TBC1D15: variants seen among roughly 807,000 people sequenced by gnomAD.
TBC1D15 encodes GAP for RAB7.
TBC1D15 carries 39 observed loss-of-function variants against 95.4 expected under a neutral mutation model. The ratio of observed to expected loss-of-function variants is 0.41; its 90% CI spans 0.32 to 0.53. The LOEUF (loss-of-function observed/expected upper bound fraction) is 0.53. TBC1D15 is among the 20% of genes least tolerant of loss of function. The pLI, the probability that TBC1D15 is intolerant of heterozygous loss-of-function variation, is 0.29. For synonymous variants in TBC1D15, 258 were observed against 261.3 expected, an observed-to-expected ratio of 0.99 and a Z score of 0.12; for missense variants, 733 against 794.3, an observed-to-expected ratio of 0.92 and a Z score of 0.93.
At chr12:71,865,188 C>T (rs1181443971) in intron 1 of TBC1D15, among the ~76,000 whole-genome samples, 1 of 152,102 alleles carries the variant, frequency 6.6e-6, no homozygotes, top group African/African-American at 2.4e-5. Context: ...TCATCTGGGT[C>T]TTGGGATGCA....
intron 10 of TBC1D15, among the ~76,000 whole-genome samples, chr12:71,898,527 G>A (rs936609654): frequency 1.3e-5 from 2 of 152,038 alleles, no homozygotes; most frequent in African/African-American, 4.8e-5. Context: ...TATCATTAAA[G>A]CATTAGTTGC....
chr12:71,857,253 A>G (rs1398923787), intron 1 of TBC1D15, among the ~76,000 whole-genome samples: 1 of 152,096 alleles, frequency 6.6e-6, no homozygotes, highest in Non-Finnish European at 1.5e-5. Context: ...GCTGCCCAGA[A>G]CCTTTTAATT....
chr12:71,839,877 A>G, intron 1 of TBC1D15, 66 bp downstream of exon 1: 1 of 1,599,856 alleles, frequency 6.3e-7, no homozygotes, highest in East Asian at 2.2e-5. Context: ...GCTCCCTGGC[A>G]GCTGGTTGGG....
intron 5 of TBC1D15, among the ~76,000 whole-genome samples, chr12:71,892,821 A>G (rs569510035): frequency 1.3e-5 from 2 of 151,834 alleles, no homozygotes; most frequent in South Asian, 4.2e-4. Flanking sequence ...TAAATATTAT[A>G]TACTGATGAC....
At chr12:71,871,242 G>A (rs775683653) in intron 1 of TBC1D15, among the ~76,000 whole-genome samples, 4 of 152,044 alleles carry the variant, frequency 2.6e-5, no homozygotes, top group Non-Finnish European at 5.9e-5. Flanking sequence ...TCATCTTCAT[G>A]TACTTTTGGT....
intron 4 of TBC1D15, among the ~76,000 whole-genome samples, chr12:71,882,143 C>G (rs1307968304): frequency 7.9e-5 from 12 of 151,490 alleles, no homozygotes; most frequent in Admixed American, 2.0e-4. Flanking sequence ...GTACTTTTTT[C>G]TTTTTTGTGT....
At chr12:71,886,673 A>G (rs1896295095) in intron 5 of TBC1D15, among the ~76,000 whole-genome samples, 6 of 152,222 alleles carry the variant, frequency 3.9e-5, no homozygotes, top group Admixed American at 3.9e-4. Flanking sequence ...CAAGCTGTTC[A>G]GTGCCAGTAA....
Position 71,879,985 on chromosome 12 carries a change from C to G in TBC1D15, c.205-484C>G, listed in dbSNP as rs78594779. Among the ~76,000 whole-genome samples the G allele has an allele frequency of 5.0e-3, 760 of 152,098 alleles. 6 individuals are homozygous for G. Among genetic ancestry groups the G allele is most frequent in the African/African-American group, 0.017 (707 of 41,484 alleles). ...AGATGGAAAATTCTATAGAACTATA[C>G]CTGTGAATATGTTGCTTTTAGCTAA... On this transcript the variant is annotated intron_variant, in intron 3 of 16. Coordinates refer to ENST00000485960, the MANE Select transcript of TBC1D15 (RefSeq NM_001146213.3).
chr12:71,845,397 A>G (rs1383603345), intron 1 of TBC1D15, among the ~76,000 whole-genome samples: 3 of 152,226 alleles, frequency 2.0e-5, no homozygotes, highest in Admixed American at 6.5e-5. Flanking sequence ...GGCCAGTGTC[A>G]GAGGAGAAGG....
chr12:71,921,517 ATTTTTCTTCTT>A, intron 16 of TBC1D15, 63 bp downstream of exon 16: 1 of 1,023,500 alleles, frequency 9.8e-7, no homozygotes, highest in Non-Finnish European at 1.4e-6. Flanking sequence ...ATCAAGAAAG[ATTTTTCTTCTT>A]GGAAATAAAA....
chr12:71,870,483 T>C (rs1304451589), intron 1 of TBC1D15, among the ~76,000 whole-genome samples: 1 of 152,192 alleles, frequency 6.6e-6, no homozygotes, highest in Non-Finnish European at 1.5e-5. Context: ...GTTTTTGAAA[T>C]CAAAACTTCC....
At chr12:71,902,563 T>C (rs976825449) in intron 10 of TBC1D15, among the ~76,000 whole-genome samples, 11 of 152,152 alleles carry the variant, frequency 7.2e-5, no homozygotes, top group Non-Finnish European at 5.9e-5. Context: ...CCTTTCACCA[T>C]ATACAAAAAT....
intron 3 of TBC1D15, among the ~76,000 whole-genome samples, chr12:71,877,922 A>G (rs890592163): frequency 6.6e-6 from 1 of 152,212 alleles, no homozygotes; most frequent in Non-Finnish European, 1.5e-5. Context: ...TGGGGCTCAT[A>G]TTTAACAAAT....
intron 2 of TBC1D15, 45 bp downstream of exon 2, chr12:71,872,213 G>C (rs932051003): frequency 8.8e-7 from 1 of 1,138,232 alleles, no homozygotes; most frequent in Non-Finnish European, 1.3e-6. Flanking sequence ...GTTTATGGTA[G>C]TGATTCATCT....
chr12:71,899,764 T>G (rs6582066), intron 10 of TBC1D15, among the ~76,000 whole-genome samples: 59,891 of 151,856 alleles, frequency 0.39, 14,003 homozygotes, highest in African/African-American at 0.63. Flanking sequence ...GTGGAAAGCA[T>G]AAGTTCAGGC....
At chr12:71,863,676 G>A (rs1429114631) in intron 1 of TBC1D15, among the ~76,000 whole-genome samples, 2 of 152,070 alleles carry the variant, frequency 1.3e-5, no homozygotes, top group Admixed American at 1.3e-4. Flanking sequence ...AGGAATATAT[G>A]CTTGCTTAAT....
intron 1 of TBC1D15, among the ~76,000 whole-genome samples, chr12:71,858,311 A>G (rs987215748): frequency 6.6e-6 from 1 of 152,004 alleles, no homozygotes; most frequent in Non-Finnish European, 1.5e-5. Flanking sequence ...ACCTCAAGTG[A>G]TCTGCCCACC....
chr12:71,850,127 A>G (rs1044871611), intron 1 of TBC1D15: 11 of 528,856 alleles, frequency 2.1e-5, no homozygotes, highest in Non-Finnish European at 3.6e-5. Context: ...TCAGCTTTCA[A>G]ATACTCCATT....
intron 3 of TBC1D15, among the ~76,000 whole-genome samples, chr12:71,876,197 A>T (rs1474560789): frequency 6.6e-6 from 1 of 152,164 alleles, no homozygotes; most frequent in Non-Finnish European, 1.5e-5. Context: ...GAGGTATCTC[A>T]CTTTTCCACC....
Sources: gnomAD v4.1 joint callset for allele counts (sites outside exome capture counted in the v4.1 genomes callset) on GRCh38, gnomAD v4.1.1 for gene constraint, MANE v1.5 for transcripts, NCBI Gene and HGNC (gene_info 2026-07-23, HGNC 2026-07-21) for gene names.